Variants in GCFC2 observed in about 807,000 individuals in gnomAD.
GCFC2 encodes the protein intron Large complex component GCFC2.
GCFC2 carries 102 observed loss-of-function variants against 99.4 expected under a neutral mutation model. That is an observed-to-expected ratio of 1.03 (90% CI 0.87 to 1.21). The LOEUF is 1.21. Ranked by LOEUF, GCFC2 falls within the 50% of genes most tolerant of loss-of-function variation. The pLI is 0.00. For synonymous variants in GCFC2, 338 were observed against 316.8 expected, an observed-to-expected ratio of 1.07 and a Z score of -0.71; for missense variants, 973 against 920.9, an observed-to-expected ratio of 1.06 and a Z score of -0.73.
chr2:75,693,831 G>A (rs1340364275), intron 6 of GCFC2, among the ~76,000 whole-genome samples: 2 of 152,028 alleles, frequency 1.3e-5, no homozygotes, highest in African/African-American at 2.4e-5. Flanking sequence ...GAGTTTGCTT[G>A]AGATCAAAAT....
rs529991040 is a variant in GCFC2, at chr2:75,706,587, C to T, written c.330G>A (p.Lys110=). 3.1e-6 allele frequency: 5 copies of T among 1,600,126 alleles called. No individual in the cohort carries two copies. The East Asian group carries it at 1.1e-4, about 36-fold the overall frequency. The change falls in exon 2 of 17, where the codon AAG becomes AAA. Residue 110 remains lysine, a synonymous_variant. Coordinates refer to ENST00000321027, the MANE Select transcript of GCFC2 (RefSeq NM_003203.5). The part of the protein sequence containing the change: ...EDKIHHSSES[K]DDQGLSSDSS... ...TGTCAGAAGACAAACCCTGATCATC[C>T]TTACTTTCTGAGGAGTGATGTATTT...
chr2:75,705,266 T>C (rs1000954524), intron 2 of GCFC2, among the ~76,000 whole-genome samples: 1 of 152,096 alleles, frequency 6.6e-6, no homozygotes, highest in Non-Finnish European at 1.5e-5. Context: ...CTTGTGGACA[T>C]GGAGAAGAAA....
intron 5 of GCFC2, among the ~76,000 whole-genome samples, chr2:75,695,161 C>G (rs1162860336): frequency 6.6e-6 from 1 of 152,142 alleles, no homozygotes; most frequent in Non-Finnish European, 1.5e-5. Context: ...TGGCAAACTA[C>G]CAGTCCATCC....
chr2:75,673,125 A>G (rs915099126), intron 13 of GCFC2, among the ~76,000 whole-genome samples: 19 of 152,032 alleles, frequency 1.2e-4, no homozygotes, highest in Non-Finnish European at 2.1e-4. Context: ...CCTGGCTAAC[A>G]TGGTGAAACC....
intron 1 of GCFC2, among the ~76,000 whole-genome samples, chr2:75,709,739 T>C (rs937121922): frequency 4.6e-5 from 7 of 152,170 alleles, no homozygotes; most frequent in African/African-American, 1.7e-4. Flanking sequence ...GTAAAGCAAA[T>C]GTTAATTAGC....
chr2:75,708,553 C>T (rs1680975648), intron 1 of GCFC2, among the ~76,000 whole-genome samples: 1 of 144,078 alleles, frequency 6.9e-6, no homozygotes, highest in Non-Finnish European at 1.5e-5. Flanking sequence ...ACTCTGTCAC[C>T]CAGGCTAGAG....
At chr2:75,676,368 T>A (rs537249937) in intron 12 of GCFC2, among the ~76,000 whole-genome samples, 15 of 152,286 alleles carry the variant, frequency 9.8e-5, no homozygotes, top group Non-Finnish European at 2.9e-5. Flanking sequence ...TCCCACAGCT[T>A]CCACTCCTTG....
intron 6 of GCFC2, 68 bp downstream of exon 6, chr2:75,694,173 A>G: frequency 4.4e-6 from 2 of 450,058 alleles, no homozygotes; most frequent in Non-Finnish European, 8.0e-6. Context: ...TGAGATTTAG[A>G]CTTTTCTTAA....
At chr2:75,680,341 A>G (rs1679518860) in intron 11 of GCFC2, 27 bp from the exon 12 acceptor site, 1 of 1,591,528 alleles carries the variant, frequency 6.3e-7, no homozygotes, top group Non-Finnish European at 8.6e-7. Context: ...AGTGGTACAC[A>G]ATGTATTTAC....
In GCFC2 at chr2:75,706,004, G is replaced by C. The variant is rs11681342; in HGVS notation, c.394+519C>G. 4.6e-5 allele frequency among the ~76,000 whole-genome samples: 7 copies of C among 152,212 alleles called. No homozygotes were observed. The East Asian group carries it at 9.7e-4, about 21-fold the overall frequency. ...GCCAGATTTGCCAACCCCTGAACTA[G>C]ACTGATCTTTCTAAGACACAAAAAC... On this transcript the variant is annotated intron_variant, in intron 2 of 16. Coordinates refer to ENST00000321027, the MANE Select transcript of GCFC2 (RefSeq NM_003203.5).
chr2:75,693,089 T>C (rs994023373), intron 6 of GCFC2, among the ~76,000 whole-genome samples: 2 of 152,228 alleles, frequency 1.3e-5, no homozygotes, highest in East Asian at 3.8e-4. Context: ...TAGTAGAAGA[T>C]AGCCAACTTA....
chr2:75,708,472 A>G (rs1680968565), intron 1 of GCFC2, among the ~76,000 whole-genome samples: 1 of 143,812 alleles, frequency 7.0e-6, no homozygotes, highest in Non-Finnish European at 1.5e-5. Context: ...CCCAAATTTA[A>G]TCATATGGTT....
chr2:75,666,764 G>A (rs1171166735), intron 15 of GCFC2, among the ~76,000 whole-genome samples: 2 of 151,380 alleles, frequency 1.3e-5, no homozygotes, highest in Non-Finnish European at 2.9e-5. Context: ...AGAAGGGAGG[G>A]AAAAGGGGAG....
At chr2:75,688,919 T>A in intron 10 of GCFC2, 107 bp downstream of exon 10, 1 of 650,524 alleles carries the variant, frequency 1.5e-6, no homozygotes, top group Non-Finnish European at 2.7e-6. Context: ...AGCTCTAAAT[T>A]TCAGCTCCGA....
At chr2:75,679,331 C>T (rs115398815) in intron 12 of GCFC2, among the ~76,000 whole-genome samples, 33 of 152,202 alleles carry the variant, frequency 2.2e-4, no homozygotes, top group African/African-American at 7.5e-4. Flanking sequence ...CATTCTACTC[C>T]GGGCATTCTC....
chr2:75,710,957 A>G, upstream of GCFC2: 1 of 1,366,346 alleles, frequency 7.3e-7, no homozygotes, highest in Non-Finnish European at 9.4e-7. Flanking sequence ...CTGGCCGCCG[A>G]GTGCGCGCGC....
chr2:75,670,301 A>G lies in GCFC2; in HGVS notation c.1957-17T>C, dbSNP rs756433946. 1 of 1,537,182 alleles carries G rather than the reference A, an allele frequency of 6.5e-7. No homozygotes were observed. Among genetic ancestry groups the G allele is most frequent in the East Asian group, 2.2e-5 (1 of 44,538 alleles). On this transcript the variant is annotated splice_polypyrimidine_tract_variant and intron_variant, in intron 14 of 16. Coordinates refer to ENST00000321027, the MANE Select transcript of GCFC2 (RefSeq NM_003203.5). ...GCGGAAGAGCTAAAATAAAATATCA[A>G]GTAAATATGTACCTTTTCTCCAAAG...
At position 75,663,546 on chromosome 2, in the gene GCFC2, CT is replaced by C. The variant is rs1288758782; in HGVS notation, c.*1119del. ...CTTGCTAATAAGTAATGACTTAATG[CT>C]TCAAAAAACATCAACAAATTTAAAA... On this transcript the variant is annotated 3_prime_UTR_variant, in exon 17 of 17. Transcript: ENST00000321027. The C allele has an allele frequency of 6.6e-6, 1 of 152,022 alleles. No individual in the cohort carries two copies. The highest frequency in any genetic ancestry group is 1.5e-5 in the Non-Finnish European group (1 of 67,990). The allele number at this position is 152,022 out of a possible 1,614,324, so 9.4% of individuals were successfully genotyped here.
chr2:75,675,695 G>A (rs1264912502), intron 12 of GCFC2, among the ~76,000 whole-genome samples: 2 of 139,362 alleles, frequency 1.4e-5, no homozygotes, highest in African/African-American at 5.7e-5. Flanking sequence ...AGTGAGCTGA[G>A]ATTGCACCAC....
Sources: allele counts gnomAD v4.1 joint callset (sites outside exome capture counted in the v4.1 genomes callset), GRCh38; gene constraint gnomAD v4.1.1; transcripts MANE v1.5; gene names NCBI Gene and HGNC (gene_info 2026-07-23, HGNC 2026-07-21).